Variants in FSD1L observed in about 807,000 individuals in gnomAD.
The protein encoded by FSD1L is fibronectin type III and SPRY domain containing 1 like, also known as FSD1-like protein.
FSD1L carries 45 observed loss-of-function variants against 71.6 expected under a neutral mutation model. The observed-to-expected ratio is 0.63, with a 90% CI of 0.49 to 0.81. FSD1L has a LOEUF of 0.81. Ranked by LOEUF, FSD1L falls within the 30% of genes least tolerant of loss-of-function variation. FSD1L has a pLI of 0.00. For missense variants in FSD1L, 561 were observed against 618.1 expected, an observed-to-expected ratio of 0.91 and a Z score of 0.98; for synonymous variants, 197 against 207.2, an observed-to-expected ratio of 0.95 and a Z score of 0.42.
At chr9:105,514,619 G>T (rs1052909037) in intron 10 of FSD1L, among the ~76,000 whole-genome samples, 32 of 152,202 alleles carry the variant, frequency 2.1e-4, no homozygotes, top group African/African-American at 7.5e-4. Context: ...AGATGTTGAG[G>T]TGGTTAGGTA....
chr9:105,469,439 T>G (rs1045825420), intron 4 of FSD1L, among the ~76,000 whole-genome samples: 5 of 111,958 alleles, frequency 4.5e-5, no homozygotes, highest in Non-Finnish European at 6.1e-5. Flanking sequence ...TATTTTCTGG[T>G]TTTTTTTTTG....
At chr9:105,448,866 A>AG (rs1316861803) in intron 1 of FSD1L, among the ~76,000 whole-genome samples, 1 of 152,198 alleles carries the variant, frequency 6.6e-6, no homozygotes, top group Non-Finnish European at 1.5e-5. Context: ...ACAGTTACTT[A>AG]GGGGTCGTTG....
At chr9:105,516,331 C>G (rs1318352853) in intron 10 of FSD1L, among the ~76,000 whole-genome samples, 1 of 152,210 alleles carries the variant, frequency 6.6e-6, no homozygotes, top group Non-Finnish European at 1.5e-5. Flanking sequence ...GCACAGAGTT[C>G]AAGCTCTGCT....
chr9:105,464,140 A>G (rs1414558278), intron 2 of FSD1L, 96 bp from the exon 3 acceptor site: 2 of 675,232 alleles, frequency 3.0e-6, no homozygotes, highest in East Asian at 2.8e-5. Flanking sequence ...GTTATACAAT[A>G]TACTCTTACA....
intron 6 of FSD1L, among the ~76,000 whole-genome samples, chr9:105,479,794 T>A (rs1317048282): frequency 6.6e-6 from 1 of 152,228 alleles, no homozygotes; most frequent in Non-Finnish European, 1.5e-5. Flanking sequence ...ACTAAAGCGC[T>A]CCTATTTCAC....
At chr9:105,489,966 C>T (rs898003876) in intron 7 of FSD1L, among the ~76,000 whole-genome samples, 9 of 152,026 alleles carry the variant, frequency 5.9e-5, no homozygotes, top group Non-Finnish European at 8.8e-5. Flanking sequence ...AATAAACATA[C>T]GTGTGCATGT....
chr9:105,484,266 T>C, intron 6 of FSD1L, 115 bp from the exon 7 acceptor site: 1 of 704,006 alleles, frequency 1.4e-6, no homozygotes, highest in Non-Finnish European at 2.1e-6. Flanking sequence ...TTTTAACTTT[T>C]ATTATAGTCT....
At chr9:105,476,992 G>C (rs2131671075) in intron 5 of FSD1L, among the ~76,000 whole-genome samples, 1 of 152,268 alleles carries the variant, frequency 6.6e-6, no homozygotes, top group Middle Eastern at 3.4e-3. Flanking sequence ...CTATGTAAAT[G>C]CATGGACAAC....
At chr9:105,460,929 A>G (rs964634360) in intron 1 of FSD1L, among the ~76,000 whole-genome samples, 2 of 152,210 alleles carry the variant, frequency 1.3e-5, no homozygotes, top group Non-Finnish European at 2.9e-5. Flanking sequence ...GAGAGTTGGT[A>G]ATTTTAAAAT....
intron 7 of FSD1L, among the ~76,000 whole-genome samples, chr9:105,499,462 T>A (rs916929997): frequency 6.6e-6 from 1 of 152,138 alleles, no homozygotes; most frequent in African/African-American, 2.4e-5. Flanking sequence ...TGGCAACAGA[T>A]TTCCTCAATT....
intron 2 of FSD1L, among the ~76,000 whole-genome samples, chr9:105,463,373 CTA>C (rs1830846915): frequency 6.6e-6 from 1 of 152,134 alleles, no homozygotes; most frequent in Non-Finnish European, 1.5e-5. Context: ...TTTTCTGAGA[CTA>C]TAAATAACCT....
At position 105,471,867 on chromosome 9, in the gene FSD1L, C is replaced by A. The variant is rs567948516; in HGVS notation, c.340-37C>A. ...AGATTCTAATGGCAATAGGAAACTT[C>A]ATTTTAATGACTTAGTTTTTTTTTT... On this transcript the variant is annotated intron_variant, in intron 4 of 13. Transcript: ENST00000481272. 57 of 872,466 alleles carry A rather than the reference C, an allele frequency of 6.5e-5. No homozygotes were observed. In the African/African-American group the frequency reaches 9.7e-4, roughly 15 times the overall value. 54.0% of individuals were successfully genotyped at this position (872,466 alleles called of 1,614,324 possible). A position where few individuals can be genotyped will look rare whatever the true frequency, so the allele number is the denominator to read the frequency against.
At chr9:105,458,118 C>T (rs372440741) in intron 1 of FSD1L, among the ~76,000 whole-genome samples, 2 of 152,236 alleles carry the variant, frequency 1.3e-5, no homozygotes, top group East Asian at 3.9e-4. Context: ...GCCCGTGGCT[C>T]CCAGGCTGGC....
At chr9:105,462,834 T>C (rs994996348) in intron 2 of FSD1L, among the ~76,000 whole-genome samples, 3 of 806 alleles carry the variant, frequency 3.7e-3, no homozygotes, top group African/African-American at 0.014. Context: ...CAATACTTTA[T>C]ATGAACATTT....
chr9:105,514,547 C>T (rs1200578518), intron 10 of FSD1L, among the ~76,000 whole-genome samples: 1 of 152,148 alleles, frequency 6.6e-6, no homozygotes, highest in Non-Finnish European at 1.5e-5. Flanking sequence ...GCAAGGTAGA[C>T]ATATGTAGAA....
chr9:105,501,204 A>T lies in FSD1L; in HGVS notation c.587-5195A>T, dbSNP rs79399703. 7.8e-3 allele frequency among the ~76,000 whole-genome samples: 1,193 copies of T among 152,244 alleles called. 18 individuals carry two copies. The highest frequency in any genetic ancestry group is 0.027 in the African/African-American group (1,113 of 41,516). On this transcript the variant is annotated intron_variant, in intron 7 of 13. Transcript: ENST00000481272. Reference sequence around the variant, plus strand: ...ATTTATAAAAGCTCAGCAATATAACACAATAAAATTGTTTTATGCGGGATT... The same window carrying T: ...ATTTATAAAAGCTCAGCAATATAACTCAATAAAATTGTTTTATGCGGGATT...
Position 105,468,325 on chromosome 9 carries a change from G to A in FSD1L, c.339+1G>A. 1 of 1,483,144 alleles carries A rather than the reference G, an allele frequency of 6.7e-7. No homozygotes were observed. The highest frequency in any genetic ancestry group is 8.9e-7 in the Non-Finnish European group (1 of 1,123,840). 91.9% of individuals were successfully genotyped at this position (1,483,144 alleles called of 1,614,324 possible). On this transcript the variant is annotated splice_donor_variant, in intron 4 of 13. Coordinates refer to ENST00000481272, the MANE Select transcript of FSD1L (RefSeq NM_001145313.3). LOFTEE classifies it high-confidence loss of function. ...AGCTCGTAAATCCCAAGAGTTACAGGTGAGATCATACAGCTATTGAAATAT... is the reference window on the plus strand; with the variant it reads ...AGCTCGTAAATCCCAAGAGTTACAGATGAGATCATACAGCTATTGAAATAT...
In FSD1L at chr9:105,548,646, C is replaced by T. The variant is rs1239235453; in HGVS notation, c.*2163C>T. 6.6e-6 allele frequency: 1 copy of T among 152,046 alleles called. No individual in the cohort carries two copies. Among genetic ancestry groups the T allele is most frequent in the African/African-American group, 2.4e-5 (1 of 41,384 alleles). 9.4% of individuals were successfully genotyped at this position (152,046 alleles called of 1,614,324 possible). ...GTTCATGTTGTCATTTGAAACTCTT[C>T]ACATAAAATTTTCTAATATTCATTT... On this transcript the variant is annotated 3_prime_UTR_variant, in exon 14 of 14. Transcript: ENST00000481272.
At chr9:105,541,616 G>T (rs1836621753) in intron 13 of FSD1L, among the ~76,000 whole-genome samples, 1 of 151,896 alleles carries the variant, frequency 6.6e-6, no homozygotes. Flanking sequence ...GTACGTTAAT[G>T]CCTATTAAAT....
Sources: allele counts gnomAD v4.1 joint callset (sites outside exome capture counted in the v4.1 genomes callset), GRCh38; gene constraint gnomAD v4.1.1; transcripts MANE v1.5; gene names NCBI Gene and HGNC (gene_info 2026-07-23, HGNC 2026-07-21).